The following CNTN4 variants were observed in gnomAD, a reference collection of about 807,000 sequenced individuals.
The protein encoded by CNTN4 is contactin 4.
A neutral mutation model predicts 122.5 loss-of-function variants in CNTN4; 77 were observed. The observed-to-expected ratio is 0.63, with a 90% CI of 0.52 to 0.76. The LOEUF (loss-of-function observed/expected upper bound fraction) is 0.76, where lower values mean the gene tolerates loss of function less well. CNTN4 is among the 30% of genes least tolerant of loss of function. CNTN4 has a pLI of 0.00. For synonymous variants in CNTN4, 512 were observed against 447.0 expected, an observed-to-expected ratio of 1.15 and a Z score of -1.83; for missense variants, 1,256 against 1,259.1, an observed-to-expected ratio of 1.00 and a Z score of 0.04.
At chr3:2,791,787 C>T (rs1036694273) in intron 6 of CNTN4, among the ~76,000 whole-genome samples, 2 of 152,198 alleles carry the variant, frequency 1.3e-5, no homozygotes, top group Admixed American at 6.5e-5. Context: ...ATCTTTGCGT[C>T]TTCCACCTCC....
chr3:2,670,951 C>T (rs993361554), intron 4 of CNTN4, among the ~76,000 whole-genome samples: 13 of 152,300 alleles, frequency 8.5e-5, no homozygotes, highest in South Asian at 2.1e-4. Context: ...GTAGTTTCTG[C>T]GGAGAGATCA....
Position 3,035,823 on chromosome 3 carries a change from G to C in CNTN4, c.1942+1033G>C, listed in dbSNP as rs146384319. ...TTCTCCATCAGCCTCCCAAATTGCTGGGATTTCAGGCGTGAGCCACTGTGT... is the reference window on the plus strand; with the variant it reads ...TTCTCCATCAGCCTCCCAAATTGCTCGGATTTCAGGCGTGAGCCACTGTGT... On this transcript the variant is annotated intron_variant, in intron 17 of 24. Transcript: ENST00000418658. Among the ~76,000 whole-genome samples the C allele has an allele frequency of 1.1e-4, 16 of 152,134 alleles. No individual in the cohort carries two copies. The East Asian group carries it at 3.1e-3, about 29-fold the overall frequency.
intron 4 of CNTN4, among the ~76,000 whole-genome samples, chr3:2,685,551 T>C (rs1446912420): frequency 6.6e-6 from 1 of 152,198 alleles, no homozygotes. Flanking sequence ...AATGTGGCTG[T>C]TTTGACAATT....
intron 3 of CNTN4, among the ~76,000 whole-genome samples, chr3:2,462,876 A>G (rs1443019733): frequency 6.6e-6 from 1 of 152,214 alleles, no homozygotes; most frequent in Non-Finnish European, 1.5e-5. Flanking sequence ...CTAAAATAGT[A>G]TCATTTCAGT....
At chr3:2,623,353 C>A (rs944444244) in intron 4 of CNTN4, among the ~76,000 whole-genome samples, 2 of 151,746 alleles carry the variant, frequency 1.3e-5, no homozygotes, top group Non-Finnish European at 1.5e-5. Context: ...GCACAGCAAT[C>A]ATTTCTGAGT....
At chr3:3,003,197 C>T (rs1458678833) in intron 14 of CNTN4, among the ~76,000 whole-genome samples, 2 of 152,090 alleles carry the variant, frequency 1.3e-5, no homozygotes, top group East Asian at 1.9e-4. Context: ...CTTCTAAGGG[C>T]AGTTTTCAGT....
chr3:2,377,736 A>T (rs1479130090), intron 3 of CNTN4, among the ~76,000 whole-genome samples: 1 of 151,850 alleles, frequency 6.6e-6, no homozygotes, highest in East Asian at 1.9e-4. Context: ...GCCCAGTATA[A>T]ATTTGTAAAC....
At chr3:2,407,198 C>G (rs1325096973) in intron 3 of CNTN4, among the ~76,000 whole-genome samples, 1 of 152,066 alleles carries the variant, frequency 6.6e-6, no homozygotes, top group Non-Finnish European at 1.5e-5. Context: ...AATAAGATTA[C>G]AGGCATATTT....
chr3:2,566,821 C>A (rs556938476), intron 3 of CNTN4, among the ~76,000 whole-genome samples: 1 of 152,118 alleles, frequency 6.6e-6, no homozygotes, highest in African/African-American at 2.4e-5. Flanking sequence ...ACTCAGTGTG[C>A]GTGAATCCGT....
At chr3:2,722,474 C>G (rs2087923716) in intron 4 of CNTN4, among the ~76,000 whole-genome samples, 1 of 152,164 alleles carries the variant, frequency 6.6e-6, no homozygotes, top group South Asian at 2.1e-4. Context: ...CATCCACCTT[C>G]TCTGTGGCTA....
intron 3 of CNTN4, among the ~76,000 whole-genome samples, chr3:2,431,619 C>T (rs1225306664): frequency 2.6e-5 from 4 of 152,184 alleles, no homozygotes; most frequent in Middle Eastern, 3.4e-3. Flanking sequence ...GGACTGAACA[C>T]GTGTTATGTG....
chr3:2,547,624 T>G (rs1391783449), intron 3 of CNTN4, among the ~76,000 whole-genome samples: 1 of 151,972 alleles, frequency 6.6e-6, no homozygotes, highest in Non-Finnish European at 1.5e-5. Flanking sequence ...CAGTAAACAT[T>G]TAGAAAGTTG....
intron 4 of CNTN4, among the ~76,000 whole-genome samples, chr3:2,659,834 T>C (rs1010834110): frequency 2.0e-5 from 3 of 152,222 alleles, no homozygotes; most frequent in South Asian, 2.1e-4. Flanking sequence ...ATGTACACAA[T>C]AGTTTTGAGA....
intron 12 of CNTN4, among the ~76,000 whole-genome samples, chr3:2,905,556 A>T (rs2094220977): frequency 6.6e-6 from 1 of 152,236 alleles, no homozygotes; most frequent in Non-Finnish European, 1.5e-5. Flanking sequence ...GCCTCTTAGT[A>T]CCATCACCTT....
chr3:2,542,238 C>A (rs1029296916), intron 3 of CNTN4, among the ~76,000 whole-genome samples: 1 of 152,120 alleles, frequency 6.6e-6, no homozygotes, highest in Non-Finnish European at 1.5e-5. Flanking sequence ...AGCCAACTGG[C>A]CTCTCAGCCA....
Position 2,161,107 on chromosome 3 carries a change from G to A in CNTN4, c.-145+60468G>A, listed in dbSNP as rs148891191. Among the ~76,000 whole-genome samples, 187 of 152,180 alleles carry A rather than the reference G, an allele frequency of 1.2e-3. 4 individuals carry two copies. In the East Asian group the frequency reaches 0.033, roughly 27 times the overall value. ...AGGTCTTAGCTAGGCATGACCTAAG[G>A]TATAATTATTTTTATTTTGAAGGGA... is the stretch of plus-strand genomic sequence containing the variant. On this transcript the variant is annotated intron_variant, in intron 2 of 24. Coordinates refer to ENST00000418658, the MANE Select transcript of CNTN4 (RefSeq NM_175607.3).
intron 3 of CNTN4, among the ~76,000 whole-genome samples, chr3:2,428,411 T>A (rs1221483418): frequency 6.6e-6 from 1 of 152,224 alleles, no homozygotes; most frequent in African/African-American, 2.4e-5. Flanking sequence ...CCAACTCTCT[T>A]CTGGCTTGTA....
chr3:2,398,698 A>T (rs1339691381), intron 3 of CNTN4, among the ~76,000 whole-genome samples: 1 of 152,154 alleles, frequency 6.6e-6, no homozygotes, highest in East Asian at 1.9e-4. Flanking sequence ...AGCATCTCCA[A>T]AATCACATTT....
intron 3 of CNTN4, among the ~76,000 whole-genome samples, chr3:2,498,989 C>G (rs1575775774): frequency 6.6e-6 from 1 of 152,128 alleles, no homozygotes; most frequent in East Asian, 1.9e-4. Flanking sequence ...AGGGTTTCAA[C>G]ATGTTGGCCA....
Sources: gnomAD v4.1 joint callset for allele counts (sites outside exome capture counted in the v4.1 genomes callset) on GRCh38, gnomAD v4.1.1 for gene constraint, MANE v1.5 for transcripts, NCBI Gene and HGNC (gene_info 2026-07-23, HGNC 2026-07-21) for gene names.